LITAF: variants seen among roughly 807,000 people sequenced by gnomAD.
LITAF encodes the protein lipopolysaccharide-induced tumor necrosis factor-alpha factor.
In LITAF, 9 loss-of-function variants were observed where a neutral mutation model predicts 14.5. The observed-to-expected ratio is 0.62, with a 90% CI of 0.37 to 1.08. The LOEUF (loss-of-function observed/expected upper bound fraction) is 1.08. Ranked by LOEUF, LITAF falls within the 50% of genes least tolerant of loss-of-function variation. LITAF has a pLI of 0.01. For synonymous variants in LITAF, 98 were observed against 88.2 expected, an observed-to-expected ratio of 1.11 and a Z score of -0.62; for missense variants, 206 against 213.4, an observed-to-expected ratio of 0.97 and a Z score of 0.22.
At chr16:11,577,051 G>T (rs988407004) in intron 1 of LITAF, among the ~76,000 whole-genome samples, 7 of 152,178 alleles carry the variant, frequency 4.6e-5, no homozygotes, top group African/African-American at 1.7e-4. Flanking sequence ...ACATGATCTA[G>T]CCCTTGATGA....
At chr16:11,589,170 G>A (rs2064834114), upstream of LITAF, among the ~76,000 whole-genome samples, 1 of 152,054 alleles carries the variant, frequency 6.6e-6, no homozygotes, top group Admixed American at 6.6e-5. Context: ...TTCCAACCAG[G>A]GGGTAAAAGT....
intron 1 of LITAF, among the ~76,000 whole-genome samples, chr16:11,568,694 T>TTG (rs2064495973): frequency 6.6e-6 from 1 of 150,984 alleles, no homozygotes; most frequent in East Asian, 1.9e-4. Context: ...TTTTTTTTTT[T>TTG]TTTGAGATAG....
intron 3 of LITAF, among the ~76,000 whole-genome samples, chr16:11,628,283 C>T (rs2065096724): frequency 6.6e-6 from 1 of 152,168 alleles, no homozygotes; most frequent in Non-Finnish European, 1.5e-5. Context: ...GGGGCCGCCC[C>T]AGATTTTCCA....
At position 11,605,545 on chromosome 16, in the gene LITAF, A is replaced by C. The variant is rs72781032; in HGVS notation, c.85+27988T>G. Among the ~76,000 whole-genome samples the C allele has an allele frequency of 0.14, 21,616 of 152,176 alleles. 1,926 individuals carry two copies. The highest frequency in any genetic ancestry group is 0.21 in the Non-Finnish European group (14,272 of 67,972). ...GGGGCCGCAAGGAAGGAAGGGAAGA[A>C]AAGGAGAAAGAAGGGAGGGAAAAAG... On this transcript the variant is annotated intron_variant, in intron 3 of 3. Coordinates refer to the LITAF transcript ENST00000574848. This position sits in a 1 kb window ranked among gnomAD's most constrained non-coding sequence, Gnocchi z 4.7.
chr16:11,630,543 T>C (rs2065111893), intron 3 of LITAF, among the ~76,000 whole-genome samples: 2 of 147,708 alleles, frequency 1.4e-5, no homozygotes, highest in African/African-American at 5.0e-5. Context: ...CTGGCGGCAG[T>C]GCCTTCCCCT....
At chr16:11,616,526 T>C (rs1463464687) in intron 3 of LITAF, among the ~76,000 whole-genome samples, 2 of 151,278 alleles carry the variant, frequency 1.3e-5, no homozygotes, top group Non-Finnish European at 2.9e-5. Flanking sequence ...GGGCTTATGA[T>C]GAATAACAAA....
intron 1 of LITAF, among the ~76,000 whole-genome samples, chr16:11,582,675 G>A (rs781703612): frequency 1.3e-5 from 2 of 152,152 alleles, no homozygotes; most frequent in Non-Finnish European, 2.9e-5. Context: ...GCACTCACAT[G>A]CAAATTGTCA....
At chr16:11,575,838 C>A (rs750872150) in intron 1 of LITAF, among the ~76,000 whole-genome samples, 1 of 151,980 alleles carries the variant, frequency 6.6e-6, no homozygotes, top group Non-Finnish European at 1.5e-5. Flanking sequence ...AACATTCCCC[C>A]GAAAAAAGTA....
At chr16:11,612,391 G>A (rs965650706) in intron 3 of LITAF, among the ~76,000 whole-genome samples, 2 of 152,220 alleles carry the variant, frequency 1.3e-5, no homozygotes, top group Non-Finnish European at 2.9e-5. Flanking sequence ...GTGAAGAGGT[G>A]TCTCCCTCCC....
At chr16:11,587,203 C>G (rs1432376923), upstream of LITAF, 1 of 367,552 alleles carries the variant, frequency 2.7e-6, no homozygotes, top group Non-Finnish European at 5.4e-6. Context: ...CTATCCTGCC[C>G]CTGCCTCTCG....
chr16:11,573,948 C>T (rs188297589), intron 1 of LITAF, among the ~76,000 whole-genome samples: 2 of 151,708 alleles, frequency 1.3e-5, no homozygotes, highest in Admixed American at 6.6e-5. Flanking sequence ...GTGATCCTCC[C>T]GCCTCGGGCT....
In LITAF at chr16:11,553,765, G is replaced by A. The variant is rs1452705412; in HGVS notation, c.221-76C>T. On this transcript the variant is annotated intron_variant, in intron 2 of 3. Coordinates refer to ENST00000622633, the MANE Select transcript of LITAF (RefSeq NM_001136472.2). The surrounding 1 kb of genome is among the most constrained non-coding windows in gnomAD (Gnocchi z 7.7). Reference sequence around the variant, plus strand: ...TAGCATTCACTACAGGACAAAGAGAGGAACGCAGGGATGCCAGCAAATATT... The same window carrying A: ...TAGCATTCACTACAGGACAAAGAGAAGAACGCAGGGATGCCAGCAAATATT... 6.7e-7 allele frequency: 1 copy of A among 1,489,436 alleles called. No homozygotes were observed. The highest frequency in any genetic ancestry group is 1.1e-5 in the South Asian group (1 of 87,264). The allele number at this position is 1,489,436 out of a possible 1,614,324, so 92.3% of individuals were successfully genotyped here. A position where few individuals can be genotyped will look rare whatever the true frequency, so the allele number is the denominator to read the frequency against.
In LITAF at chr16:11,579,750, C is replaced by T. The variant is rs1010534199; in HGVS notation, c.-6+7136G>A. On this transcript the variant is annotated intron_variant, in intron 1 of 3. Transcript: ENST00000622633. ...CTCCCTGTACTAACTTCACAACTTTCTTGCAAATCAAAAATTATGCCAAAA... is the reference window on the plus strand; with the variant it reads ...CTCCCTGTACTAACTTCACAACTTTTTTGCAAATCAAAAATTATGCCAAAA... Among the ~76,000 whole-genome samples the T allele has an allele frequency of 3.3e-5, 5 of 152,178 alleles. No homozygotes were observed. In the South Asian group the frequency reaches 1.0e-3, roughly 31 times the overall value.
At chr16:11,633,129 C>T (rs2065125588) in intron 3 of LITAF, among the ~76,000 whole-genome samples, 1 of 152,182 alleles carries the variant, frequency 6.6e-6, no homozygotes, top group Non-Finnish European at 1.5e-5. Flanking sequence ...CCAGACACAT[C>T]ACGCTGGAGG....
In LITAF at chr16:11,549,736, C is replaced by A; in HGVS notation, c.387G>T (p.Ala129=). ...CGSLCLLGCI[A]GCCFIPFCVD... is the part of the protein sequence containing the mutation. ...CGCAGAAGGGGATGAAGCAGCAGCC[C>A]GCTATGCACCTGGGAGGAGAGAGAG... Residue 129 remains alanine (A), a synonymous_variant, in exon 4 of 4, where the codon GCG becomes GCT. Transcript: ENST00000622633. This position sits in a 1 kb window ranked among gnomAD's most constrained non-coding sequence, Gnocchi z 4.6. 6.2e-7 allele frequency: 1 copy of A among 1,612,594 alleles called. No individual in the cohort carries two copies. The highest frequency in any genetic ancestry group is 1.1e-5 in the South Asian group (1 of 90,804).
chr16:11,582,998 C>T (rs554914791), intron 1 of LITAF, among the ~76,000 whole-genome samples: 2 of 152,202 alleles, frequency 1.3e-5, no homozygotes, highest in Admixed American at 6.5e-5. Flanking sequence ...GTGAATGGTG[C>T]GTCTTAAGCC....
chr16:11,579,899 T>G (rs1423777288), intron 1 of LITAF, among the ~76,000 whole-genome samples: 1 of 152,222 alleles, frequency 6.6e-6, no homozygotes, highest in Non-Finnish European at 1.5e-5. Context: ...CCTCAGGATC[T>G]ATTTCTTTGG....
At position 11,605,127 on chromosome 16, in the gene LITAF, G is replaced by A. The variant is rs2064948442; in HGVS notation, c.85+28406C>T. The stretch of plus-strand genomic sequence containing the variant: ...TCAGGGCTCCCAGGAACAGGAATGT[G>A]TCCTTTCCTCTCTCTCTCTCTCTCT... On this transcript the variant is annotated intron_variant, in intron 3 of 3. Transcript: ENST00000574848. The surrounding 1 kb of genome is among the most constrained non-coding windows in gnomAD (Gnocchi z 4.7). Among the ~76,000 whole-genome samples the A allele has an allele frequency of 6.6e-6, 1 of 152,114 alleles. No homozygotes were observed. Among genetic ancestry groups the A allele is most frequent in the East Asian group, 1.9e-4 (1 of 5,186 alleles).
intron 3 of LITAF, among the ~76,000 whole-genome samples, chr16:11,609,855 G>T (rs149282335): frequency 5.3e-4 from 80 of 152,308 alleles, no homozygotes; most frequent in Admixed American, 1.2e-3. Flanking sequence ...AAAAGACCAG[G>T]CTTTCCTGGC....
Sources: gnomAD v4.1 joint callset for allele counts (sites outside exome capture counted in the v4.1 genomes callset) on GRCh38, gnomAD v4.1.1 for gene constraint, Gnocchi (gnomAD v3.1) non-coding constraint, MANE v1.5 for transcripts, NCBI Gene and HGNC (gene_info 2026-07-23, HGNC 2026-07-21) for gene names.